CCDC148: variants seen among roughly 807,000 people sequenced by gnomAD.
The protein encoded by CCDC148 is coiled-coil domain containing 148, also known as coiled-coil domain-containing protein 148.
CCDC148 carries 89 observed loss-of-function variants against 85.7 expected under a neutral mutation model. The observed-to-expected ratio is 1.04, with a 90% CI of 0.87 to 1.24. The LOEUF (loss-of-function observed/expected upper bound fraction) is 1.24. Ranked by LOEUF, CCDC148 falls within the 50% of genes most tolerant of loss-of-function variation. The pLI is 0.00. For synonymous variants in CCDC148, 230 were observed against 213.9 expected, an observed-to-expected ratio of 1.08 and a Z score of -0.66; for missense variants, 692 against 671.7, an observed-to-expected ratio of 1.03 and a Z score of -0.33.
intron 9 of CCDC148, among the ~76,000 whole-genome samples, chr2:158,279,201 A>G (rs901178948): frequency 2.6e-5 from 4 of 152,238 alleles, no homozygotes; most frequent in Non-Finnish European, 5.9e-5. Context: ...GAAAAACTGG[A>G]AACTCTAAAA....
At chr2:158,187,057 C>G (rs757115346) in intron 11 of CCDC148, among the ~76,000 whole-genome samples, 2 of 152,036 alleles carry the variant, frequency 1.3e-5, no homozygotes, top group African/African-American at 2.4e-5. Context: ...TATTCTCTCC[C>G]CAGCTGCTTG....
chr2:158,349,928 T>A (rs1683177135), intron 2 of CCDC148, among the ~76,000 whole-genome samples: 1 of 152,000 alleles, frequency 6.6e-6, no homozygotes, highest in Non-Finnish European at 1.5e-5. Context: ...AAGCAAAAGC[T>A]TGTCAAAATG....
chr2:158,296,040 T>C (rs1443383704), intron 9 of CCDC148, among the ~76,000 whole-genome samples: 1 of 152,258 alleles, frequency 6.6e-6, no homozygotes, highest in African/African-American at 2.4e-5. Context: ...ATGGCCTGTC[T>C]TTTTATTATC....
intron 7 of CCDC148, among the ~76,000 whole-genome samples, chr2:158,318,990 T>G (rs1033878521): frequency 1.3e-5 from 2 of 152,104 alleles, no homozygotes; most frequent in African/African-American, 4.8e-5. Flanking sequence ...GCTGGTCTTC[T>G]TCTGAGCTCA....
At chr2:158,456,350 A>T (rs967618824) in intron 1 of CCDC148, 65 bp downstream of exon 1, 2 of 1,531,600 alleles carry the variant, frequency 1.3e-6, no homozygotes. Flanking sequence ...AAACATAAGT[A>T]GGATTTAGGT....
At chr2:158,307,652 C>A (rs1319509390) in intron 9 of CCDC148, among the ~76,000 whole-genome samples, 2 of 152,082 alleles carry the variant, frequency 1.3e-5, no homozygotes, top group African/African-American at 2.4e-5. Context: ...GAAAACGGCT[C>A]AAATTTCTGT....
chr2:158,227,069 C>A (rs1406820327), intron 10 of CCDC148, among the ~76,000 whole-genome samples: 3 of 152,070 alleles, frequency 2.0e-5, no homozygotes, highest in Non-Finnish European at 2.9e-5. Flanking sequence ...ATCGTCTCAG[C>A]CCAAAATCTC....
chr2:158,278,872 C>G (rs954059578), intron 9 of CCDC148, among the ~76,000 whole-genome samples: 22 of 152,238 alleles, frequency 1.4e-4, no homozygotes, highest in Non-Finnish European at 2.2e-4. Context: ...AACTGGGAGG[C>G]ACTCCCCAGT....
chr2:158,377,701 G>A (rs867674956), intron 1 of CCDC148, among the ~76,000 whole-genome samples: 48 of 152,002 alleles, frequency 3.2e-4, no homozygotes, highest in Non-Finnish European at 2.5e-4. Context: ...CAATAGCAGT[G>A]CTTGCTTCAT....
Position 158,189,434 on chromosome 2 carries a change from T to C in CCDC148, c.1371-10438A>G, listed in dbSNP as rs529881404. ...TGTTCCAAAGGGTAATCAGTTCTTTTCCCAAACTGATGGTCCATGGAATGT... is the reference window on the plus strand; with the variant it reads ...TGTTCCAAAGGGTAATCAGTTCTTTCCCCAAACTGATGGTCCATGGAATGT... On this transcript the variant is annotated intron_variant, in intron 11 of 13. Transcript: ENST00000283233. 3.3e-5 allele frequency among the ~76,000 whole-genome samples: 5 copies of C among 151,994 alleles called. No homozygotes were observed. In the South Asian group the frequency reaches 1.0e-3, roughly 32 times the overall value.
At chr2:158,176,986 A>T (rs1360488349) in intron 12 of CCDC148, among the ~76,000 whole-genome samples, 5 of 152,092 alleles carry the variant, frequency 3.3e-5, no homozygotes, top group Non-Finnish European at 7.4e-5. Flanking sequence ...AAAACCTTAC[A>T]TATTCAACCA....
At position 158,415,923 on chromosome 2, in the gene CCDC148, T is replaced by A. The variant is rs542229323; in HGVS notation, c.25+40492A>T. ...ATCTCCACATTTCCCCTCTACACTG[T>A]CCTAGTGGAGGTTCTCCATGAGGGC... On this transcript the variant is annotated intron_variant, in intron 1 of 13. Transcript: ENST00000283233. Among the ~76,000 whole-genome samples the A allele has an allele frequency of 2.6e-5, 4 of 152,326 alleles. No homozygotes were observed. In the South Asian group the frequency reaches 8.3e-4, roughly 32 times the overall value.
At chr2:158,277,123 G>T (rs545018996) in intron 9 of CCDC148, among the ~76,000 whole-genome samples, 1 of 152,312 alleles carries the variant, frequency 6.6e-6, no homozygotes, top group African/African-American at 2.4e-5. Context: ...TATTGCAAAT[G>T]TATAGAGACT....
intron 9 of CCDC148, among the ~76,000 whole-genome samples, chr2:158,267,468 T>C (rs1228410219): frequency 6.6e-6 from 1 of 152,188 alleles, no homozygotes; most frequent in African/African-American, 2.4e-5. Flanking sequence ...AATTTTATTT[T>C]ACAGTTGCCT....
intron 7 of CCDC148, among the ~76,000 whole-genome samples, chr2:158,330,734 T>C (rs185687823): frequency 4.5e-4 from 69 of 152,300 alleles, no homozygotes; most frequent in Non-Finnish European, 5.9e-4. Context: ...TGGTTTAGTT[T>C]TGGGAGGGTG....
intron 11 of CCDC148, among the ~76,000 whole-genome samples, chr2:158,186,482 T>C (rs1685161606): frequency 6.6e-6 from 1 of 152,082 alleles, no homozygotes; most frequent in Non-Finnish European, 1.5e-5. Context: ...CATTTAACCT[T>C]ACTCAATCTG....
chr2:158,448,827 T>G (rs111707284), intron 1 of CCDC148, among the ~76,000 whole-genome samples: 6,127 of 152,080 alleles, frequency 0.04, 191 homozygotes, highest in Non-Finnish European at 0.063. Flanking sequence ...TGTTGTTGTT[T>G]TTGTTTGTTT....
At chr2:158,387,288 TTATCTA>T (rs3080062) in intron 1 of CCDC148, among the ~76,000 whole-genome samples, 128,242 of 150,388 alleles carry the variant, frequency 0.85, 55,118 homozygotes, top group East Asian at 0.91. Context: ...ATTTATATCA[TTATCTA>T]TATCTATATC....
At chr2:158,425,401 T>C (rs1288090041) in intron 1 of CCDC148, 2 of 378,276 alleles carry the variant, frequency 5.3e-6, no homozygotes, top group Non-Finnish European at 5.2e-6. Context: ...AAGATGATTA[T>C]TTTGTAAAAG....
Sources: allele counts gnomAD v4.1 joint callset (sites outside exome capture counted in the v4.1 genomes callset), GRCh38; gene constraint gnomAD v4.1.1; transcripts MANE v1.5; gene names NCBI Gene and HGNC (gene_info 2026-07-23, HGNC 2026-07-21).